The following SSBP2 variants were observed in gnomAD, a reference collection of about 807,000 sequenced individuals.
SSBP2 encodes single-stranded DNA-binding protein 2.
In SSBP2, 17 loss-of-function variants were observed where a neutral mutation model predicts 61.8. The observed-to-expected ratio is 0.28, with a 90% CI of 0.19 to 0.41. SSBP2 has a LOEUF of 0.41. Among genes scored for constraint, SSBP2 ranks in the 10% least tolerant of loss-of-function variants. The pLI, the probability that SSBP2 is intolerant of heterozygous loss-of-function variation, is 1.00. For missense variants in SSBP2, 310 were observed against 458.7 expected (o/e 0.68, Z 2.96); for synonymous variants, 139 against 141.3 (o/e 0.98, Z 0.12).
chr5:81,614,975 G>A (rs1049867057), intron 4 of SSBP2: 1 of 152,668 alleles, frequency 6.6e-6, no homozygotes, highest in African/African-American at 2.4e-5. Context: ...ACTCTTGTCT[G>A]GTATTTCCTT....
intron 4 of SSBP2, among the ~76,000 whole-genome samples, chr5:81,576,271 T>A (rs370176674): frequency 6.6e-6 from 1 of 152,022 alleles, no homozygotes; most frequent in African/African-American, 2.4e-5. Flanking sequence ...TTCAAATACA[T>A]TATGTTTTCT....
At chr5:81,590,877 A>G (rs1775447572) in intron 4 of SSBP2, among the ~76,000 whole-genome samples, 1 of 152,154 alleles carries the variant, frequency 6.6e-6, no homozygotes, top group Non-Finnish European at 1.5e-5. Context: ...AGAAGTAGGA[A>G]AACATTCTAA....
intron 2 of SSBP2, among the ~76,000 whole-genome samples, chr5:81,645,080 C>CTTATA (rs1420433768): frequency 6.6e-6 from 1 of 152,166 alleles, no homozygotes; most frequent in Admixed American, 6.5e-5. Flanking sequence ...AAGCAATGTG[C>CTTATA]ATATACTAAC....
At chr5:81,711,044 A>G (rs1018170765) in intron 1 of SSBP2, among the ~76,000 whole-genome samples, 3 of 152,100 alleles carry the variant, frequency 2.0e-5, no homozygotes, top group Admixed American at 6.5e-5. Flanking sequence ...CTTAAAGTTC[A>G]TTTAATAACA....
At chr5:81,608,436 T>C (rs1745093968) in intron 4 of SSBP2, among the ~76,000 whole-genome samples, 1 of 152,132 alleles carries the variant, frequency 6.6e-6, no homozygotes, top group Non-Finnish European at 1.5e-5. Flanking sequence ...AGATTCACCA[T>C]CCTAAAATAT....
intron 2 of SSBP2, among the ~76,000 whole-genome samples, chr5:81,642,970 T>C (rs1436170165): frequency 6.6e-6 from 1 of 152,172 alleles, no homozygotes; most frequent in Non-Finnish European, 1.5e-5. Flanking sequence ...ATACTGGTCA[T>C]TTACCTATTA....
intron 1 of SSBP2, among the ~76,000 whole-genome samples, chr5:81,707,980 GT>G (rs2153913042): frequency 6.6e-6 from 1 of 152,246 alleles, no homozygotes; most frequent in Non-Finnish European, 1.5e-5. Context: ...TGATCCTCAT[GT>G]TTTTCCTCAA....
intron 4 of SSBP2, among the ~76,000 whole-genome samples, chr5:81,523,842 A>G (rs1169639134): frequency 6.6e-6 from 1 of 152,022 alleles, no homozygotes; most frequent in Non-Finnish European, 1.5e-5. Context: ...AACCTTAAAG[A>G]GCATTTCGAA....
At chr5:81,703,407 C>T (rs1251215880) in intron 1 of SSBP2, among the ~76,000 whole-genome samples, 1 of 152,018 alleles carries the variant, frequency 6.6e-6, no homozygotes, top group East Asian at 1.9e-4. Context: ...CAAAATCGGG[C>T]ATTGGAATAG....
intron 15 of SSBP2, among the ~76,000 whole-genome samples, chr5:81,433,028 T>G (rs1481087823): frequency 2.0e-5 from 3 of 148,894 alleles, no homozygotes; most frequent in African/African-American, 7.5e-5. Flanking sequence ...TTCCGGGAGG[T>G]GAGGGGCGCC....
At chr5:81,471,168 C>G (rs1765223517) in intron 8 of SSBP2, among the ~76,000 whole-genome samples, 1 of 151,642 alleles carries the variant, frequency 6.6e-6, no homozygotes, top group Non-Finnish European at 1.5e-5. Context: ...ACTGCCAATC[C>G]AAATGAAATA....
intron 4 of SSBP2, among the ~76,000 whole-genome samples, chr5:81,604,723 T>C (rs1037002598): frequency 1.4e-4 from 21 of 152,172 alleles, no homozygotes; most frequent in Admixed American, 3.3e-4. Flanking sequence ...ATTTTTAATA[T>C]CCAGAGTAAG....
At chr5:81,481,085 C>T (rs181681817) in intron 6 of SSBP2, among the ~76,000 whole-genome samples, 1 of 152,322 alleles carries the variant, frequency 6.6e-6, no homozygotes, top group Admixed American at 6.5e-5. Flanking sequence ...ATTTTCACGA[C>T]ATCTGTAGTG....
chr5:81,603,579 A>C (rs1365080371), intron 4 of SSBP2, among the ~76,000 whole-genome samples: 1 of 152,240 alleles, frequency 6.6e-6, no homozygotes, highest in Non-Finnish European at 1.5e-5. Context: ...AAAGGTAAAA[A>C]GTCACAATGC....
intron 8 of SSBP2, among the ~76,000 whole-genome samples, chr5:81,468,423 C>T (rs1033875070): frequency 1.3e-5 from 2 of 152,020 alleles, no homozygotes; most frequent in East Asian, 1.9e-4. Context: ...CTCAGTCCTA[C>T]TCATGTCACT....
chr5:81,737,812 T>A (rs986095214), intron 1 of SSBP2, among the ~76,000 whole-genome samples: 1 of 146,984 alleles, frequency 6.8e-6, no homozygotes, highest in African/African-American at 2.5e-5. Flanking sequence ...AACAAAAAAC[T>A]CAGCCCTGTT....
At chr5:81,426,929 A>C (rs1580648112) in intron 16 of SSBP2, among the ~76,000 whole-genome samples, 1 of 152,328 alleles carries the variant, frequency 6.6e-6, no homozygotes, top group East Asian at 1.9e-4. Flanking sequence ...TTATATATAC[A>C]TTACAGCACT....
intron 1 of SSBP2, among the ~76,000 whole-genome samples, chr5:81,720,583 G>C (rs1755478853): frequency 6.6e-6 from 1 of 152,186 alleles, no homozygotes; most frequent in Non-Finnish European, 1.5e-5. Flanking sequence ...AATGCTTCAA[G>C]ATTTCAAAGA....
intron 8 of SSBP2, among the ~76,000 whole-genome samples, chr5:81,468,192 G>A (rs1001680828): frequency 6.6e-6 from 1 of 151,962 alleles, no homozygotes; most frequent in Admixed American, 6.6e-5. Flanking sequence ...ATTTCCAGGA[G>A]CTCTTGATGT....
Sources: gnomAD v4.1 joint callset for allele counts (sites outside exome capture counted in the v4.1 genomes callset) on GRCh38, gnomAD v4.1.1 for gene constraint, MANE v1.5 for transcripts, NCBI Gene and HGNC (gene_info 2026-07-23, HGNC 2026-07-21) for gene names.